Variants in ATP8A1 observed in about 807,000 individuals in gnomAD.
ATP8A1 encodes the protein ATPase phospholipid transporting 8A1.
A neutral mutation model predicts 177.7 loss-of-function variants in ATP8A1; 90 were observed. The ratio of observed to expected loss-of-function variants is 0.51; its 90% CI spans 0.43 to 0.60. The LOEUF is 0.60. Ranked by LOEUF, ATP8A1 falls within the 20% of genes least tolerant of loss-of-function variation. The pLI is 0.00. For missense variants in ATP8A1, 1,072 were observed against 1,392.8 expected (o/e 0.77, Z 3.67); for synonymous variants, 493 against 485.9 (o/e 1.01, Z -0.19).
chr4:42,489,637 C>T (rs1447732091), intron 24 of ATP8A1, among the ~76,000 whole-genome samples: 1 of 152,136 alleles, frequency 6.6e-6, no homozygotes, highest in Non-Finnish European at 1.5e-5. Context: ...TAGCTGTGTG[C>T]TGCCAGTTAC....
At chr4:42,522,332 C>G in intron 21 of ATP8A1, 33 bp from the exon 22 acceptor site, 1 of 1,598,700 alleles carries the variant, frequency 6.3e-7, no homozygotes. Context: ...CCCCAACACA[C>G]CAAAGATTTT....
chr4:42,548,677 A>G (rs1008786503), intron 19 of ATP8A1, among the ~76,000 whole-genome samples: 12 of 152,124 alleles, frequency 7.9e-5, no homozygotes, highest in Non-Finnish European at 1.2e-4. Flanking sequence ...CATACCCATT[A>G]ACCAACCTCT....
chr4:42,435,092 T>G (rs1435043613), intron 33 of ATP8A1, among the ~76,000 whole-genome samples: 1 of 152,218 alleles, frequency 6.6e-6, no homozygotes, highest in African/African-American at 2.4e-5. Context: ...CACCAGTCAT[T>G]GACGAGCCCT....
intron 25 of ATP8A1, among the ~76,000 whole-genome samples, chr4:42,466,741 T>C (rs1039037717): frequency 2.0e-5 from 3 of 152,260 alleles, no homozygotes; most frequent in Admixed American, 2.0e-4. Context: ...TAGCAGGCTA[T>C]TTCACTGTTA....
At chr4:42,585,685 A>C (rs546979599) in intron 9 of ATP8A1, among the ~76,000 whole-genome samples, 1 of 151,920 alleles carries the variant, frequency 6.6e-6, no homozygotes, top group Non-Finnish European at 1.5e-5. Context: ...CCAAGGCTTA[A>C]GGCCAGGAAT....
intron 19 of ATP8A1, among the ~76,000 whole-genome samples, chr4:42,547,521 T>G (rs1034980148): frequency 1.3e-5 from 2 of 152,228 alleles, no homozygotes; most frequent in Admixed American, 1.3e-4. Flanking sequence ...CCTAGCATAG[T>G]GCTTTCTAAG....
rs1197118692 is a variant in ATP8A1, at chr4:42,578,498, G to A, written c.1001-111C>T. The A allele has an allele frequency of 1.7e-5, 20 of 1,203,780 alleles. No homozygotes were observed. The East Asian group carries it at 4.9e-4, about 29-fold the overall frequency. The allele number at this position is 1,203,780 out of a possible 1,614,324, so 74.6% of individuals were successfully genotyped here. ...TACTACGCAGCTTATTTGATAATTT[G>A]GGAGGAACACTTTGCTGATAATCTA... On this transcript the variant is annotated intron_variant, in intron 11 of 36. Coordinates refer to ENST00000381668, the MANE Select transcript of ATP8A1 (RefSeq NM_006095.2).
At chr4:42,594,265 T>C (rs771614976) in intron 6 of ATP8A1, 9 of 1,460,852 alleles carry the variant, frequency 6.2e-6, no homozygotes, top group East Asian at 4.5e-5. Context: ...TCTACACTGT[T>C]TGAGCATCAG....
At chr4:42,602,036 A>G (rs1735330945) in intron 5 of ATP8A1, among the ~76,000 whole-genome samples, 1 of 151,918 alleles carries the variant, frequency 6.6e-6, no homozygotes, top group African/African-American at 2.4e-5. Flanking sequence ...CTTTTGGTAT[A>G]TGGGACATTC....
At chr4:42,522,389 T>G in intron 21 of ATP8A1, 90 bp from the exon 22 acceptor site, 1 of 1,441,776 alleles carries the variant, frequency 6.9e-7, no homozygotes, top group East Asian at 2.3e-5. Context: ...AGTCCCATTT[T>G]GAAAAAAGTG....
chr4:42,429,388 T>TG (rs2153169947), intron 33 of ATP8A1, among the ~76,000 whole-genome samples: 1 of 151,200 alleles, frequency 6.6e-6, no homozygotes, highest in South Asian at 2.1e-4. Flanking sequence ...AGTGTTTTGT[T>TG]TTTTTTTTTG....
At chr4:42,588,222 A>C in intron 8 of ATP8A1, 38 bp downstream of exon 8, 1 of 1,503,534 alleles carries the variant, frequency 6.7e-7, no homozygotes, top group Non-Finnish European at 9.2e-7. Flanking sequence ...ATGTAATAAA[A>C]TAGCAGTGAT....
intron 1 of ATP8A1, among the ~76,000 whole-genome samples, chr4:42,644,018 G>C (rs1414392261): frequency 1.3e-5 from 2 of 152,168 alleles, no homozygotes; most frequent in Non-Finnish European, 2.9e-5. Flanking sequence ...ATCTGGTACT[G>C]AGCAGACCAA....
intron 23 of ATP8A1, among the ~76,000 whole-genome samples, chr4:42,504,645 T>C (rs554304652): frequency 1.3e-5 from 2 of 152,264 alleles, no homozygotes; most frequent in Non-Finnish European, 2.9e-5. Context: ...CCTGGATTAA[T>C]GCAATAAGCC....
At chr4:42,413,630 C>T (rs1250333884) in intron 36 of ATP8A1, among the ~76,000 whole-genome samples, 1 of 152,198 alleles carries the variant, frequency 6.6e-6, no homozygotes, top group Non-Finnish European at 1.5e-5. Context: ...ATACAATGCC[C>T]TCACATCAGT....
At chr4:42,477,775 C>T (rs1578014063) in intron 25 of ATP8A1, among the ~76,000 whole-genome samples, 1 of 141,134 alleles carries the variant, frequency 7.1e-6, no homozygotes, top group East Asian at 2.1e-4. Context: ...AGTTTGAGAA[C>T]AGCCTGGGCA....
intron 18 of ATP8A1, among the ~76,000 whole-genome samples, chr4:42,549,346 G>A (rs778207135): frequency 3.9e-5 from 6 of 152,102 alleles, no homozygotes; most frequent in Non-Finnish European, 8.8e-5. Flanking sequence ...AAGGGATGTC[G>A]TAAGGAAAGA....
At chr4:42,592,217 G>T (rs1734251769) in intron 6 of ATP8A1, among the ~76,000 whole-genome samples, 1 of 152,054 alleles carries the variant, frequency 6.6e-6, no homozygotes, top group African/African-American at 2.4e-5. Flanking sequence ...ATATAATCTT[G>T]GAGGAAGTTA....
At chr4:42,490,525 G>A (rs908207937) in intron 24 of ATP8A1, among the ~76,000 whole-genome samples, 5 of 152,112 alleles carry the variant, frequency 3.3e-5, no homozygotes, top group Admixed American at 6.6e-5. Flanking sequence ...GTTTTACTGA[G>A]AACATTTATA....
Sources: gnomAD v4.1 joint callset for allele counts (sites outside exome capture counted in the v4.1 genomes callset) on GRCh38, gnomAD v4.1.1 for gene constraint, MANE v1.5 for transcripts, NCBI Gene and HGNC (gene_info 2026-07-23, HGNC 2026-07-21) for gene names.